NDEL1: variants seen among roughly 807,000 people sequenced by gnomAD.
NDEL1 encodes nuclear distribution protein nudE-like 1.
NDEL1 carries 9 observed loss-of-function variants against 45.7 expected under a neutral mutation model. That is an observed-to-expected ratio of 0.20 (90% CI 0.12 to 0.34). The LOEUF is 0.34. Ranked by LOEUF, NDEL1 falls within the 10% of genes least tolerant of loss-of-function variation. The pLI is 1.00. For missense variants in NDEL1, 306 were observed against 406.2 expected (o/e 0.75, Z 2.12); for synonymous variants, 133 against 158.6 (o/e 0.84, Z 1.21).
chr17:8,469,774 G>A (rs1911790226), downstream of NDEL1, among the ~76,000 whole-genome samples: 1 of 150,792 alleles, frequency 6.6e-6, no homozygotes, highest in Non-Finnish European at 1.5e-5. Context: ...CGTGATCTTG[G>A]CTCACTGTAA....
chr17:8,450,360 A>G (rs1399338043), intron 5 of NDEL1, among the ~76,000 whole-genome samples: 1 of 152,084 alleles, frequency 6.6e-6, no homozygotes. Context: ...CTTCTTTTCT[A>G]AAAGTAAATA....
At chr17:8,471,845 C>G (rs184370668), downstream of NDEL1, among the ~76,000 whole-genome samples, 176 of 152,248 alleles carry the variant, frequency 1.2e-3, no homozygotes, top group South Asian at 2.1e-3. Flanking sequence ...TGACTTAGGA[C>G]GGCATTTTGG....
At chr17:8,451,002 A>G (rs754934781) in intron 6 of NDEL1, 49 bp downstream of exon 6, 3 of 1,536,452 alleles carry the variant, frequency 2.0e-6, no homozygotes, top group East Asian at 4.7e-5. Context: ...TGATCAGCTT[A>G]CGGGGGTTTG....
Position 8,467,075 on chromosome 17 carries a change from C to T in NDEL1, c.*52C>T. 1 of 1,571,356 alleles carries T rather than the reference C, an allele frequency of 6.4e-7. No homozygotes were observed. The highest frequency in any genetic ancestry group is 8.7e-7 in the Non-Finnish European group (1 of 1,143,682). On this transcript the variant is annotated 3_prime_UTR_variant, in exon 9 of 9. Transcript: ENST00000334527. This position sits in a 1 kb window ranked among gnomAD's most constrained non-coding sequence, Gnocchi z 6.3. ...TGCCCTCCTCCAACAACCCAGGACACCCACGCCTCACCCCTCGGTGCCTGG... is the reference window on the plus strand; with the variant it reads ...TGCCCTCCTCCAACAACCCAGGACATCCACGCCTCACCCCTCGGTGCCTGG...
At chr17:8,415,164 C>T (rs577627344) in intron 1 of NDEL1, among the ~76,000 whole-genome samples, 46 of 145,638 alleles carry the variant, frequency 3.2e-4, no homozygotes, top group Non-Finnish European at 4.8e-4. Context: ...GTCTCCCTCT[C>T]TCCCTCTCTC....
intron 2 of NDEL1, 130 bp from the exon 3 acceptor site, chr17:8,445,581 A>C: frequency 2.1e-6 from 2 of 937,108 alleles, no homozygotes; most frequent in Non-Finnish European, 3.0e-6. Flanking sequence ...TGCAAAACAG[A>C]TTGTCTTTAG....
intron 5 of NDEL1, among the ~76,000 whole-genome samples, chr17:8,449,134 C>T (rs1212326542): frequency 1.3e-5 from 2 of 152,212 alleles, no homozygotes; most frequent in South Asian, 2.1e-4. Flanking sequence ...AGGCGCCCGC[C>T]ACCACACCCA....
At chr17:8,437,217 C>T (rs997149510) in intron 1 of NDEL1, among the ~76,000 whole-genome samples, 1 of 152,176 alleles carries the variant, frequency 6.6e-6, no homozygotes, top group South Asian at 2.1e-4. Flanking sequence ...TGAAGTATTT[C>T]TTCTGAATTA....
chr17:8,460,432 C>T (rs961148088), intron 8 of NDEL1, among the ~76,000 whole-genome samples: 3 of 152,070 alleles, frequency 2.0e-5, no homozygotes, highest in East Asian at 1.9e-4. Flanking sequence ...AAAATGACTG[C>T]GATAAGGTCC....
At chr17:8,415,534 C>T (rs56036644) in intron 1 of NDEL1, among the ~76,000 whole-genome samples, 13,470 of 150,124 alleles carry the variant, frequency 0.09, 676 homozygotes, top group East Asian at 0.19. Flanking sequence ...TCCCTGGGCT[C>T]GGGTGATTCT....
At chr17:8,417,543 C>T (rs1908581820) in intron 1 of NDEL1, among the ~76,000 whole-genome samples, 3 of 152,128 alleles carry the variant, frequency 2.0e-5, no homozygotes. Flanking sequence ...GTGTTTGGGT[C>T]TGTGTCTGTG....
At chr17:8,460,775 T>C (rs1911146903) in intron 8 of NDEL1, among the ~76,000 whole-genome samples, 1 of 152,216 alleles carries the variant, frequency 6.6e-6, no homozygotes, top group African/African-American at 2.4e-5. Flanking sequence ...CTTACAGTTA[T>C]TCCAAGGCAT....
chr17:8,414,443 G>A (rs992051740), intron 1 of NDEL1, among the ~76,000 whole-genome samples: 7 of 152,108 alleles, frequency 4.6e-5, no homozygotes, highest in East Asian at 1.9e-4. Context: ...CAAGGCTGGC[G>A]GATCATGAGG....
downstream of NDEL1, among the ~76,000 whole-genome samples, chr17:8,468,634 C>T (rs990237672): frequency 6.6e-6 from 1 of 152,234 alleles, no homozygotes; most frequent in African/African-American, 2.4e-5. Context: ...CATTGAAGAA[C>T]GCGTAAACTG....
At chr17:8,414,825 T>C (rs1221411515) in intron 1 of NDEL1, among the ~76,000 whole-genome samples, 2 of 152,062 alleles carry the variant, frequency 1.3e-5, no homozygotes, top group Admixed American at 1.3e-4. Context: ...TTCATTTGCT[T>C]AGTTTTTAGA....
At chr17:8,436,734 C>A (rs1428777724) in intron 1 of NDEL1, 1 of 152,224 alleles carries the variant, frequency 6.6e-6, no homozygotes, top group African/African-American at 2.4e-5. Flanking sequence ...CTTCTATTTA[C>A]GTAGCACCTT....
chr17:8,445,354 A>G (rs910860296), intron 2 of NDEL1, among the ~76,000 whole-genome samples: 1 of 152,222 alleles, frequency 6.6e-6, no homozygotes, highest in Non-Finnish European at 1.5e-5. Flanking sequence ...ATGTGAAAAT[A>G]TGTGTGATTT....
chr17:8,445,697 T>A lies in NDEL1; in HGVS notation c.87-14T>A. 5.0e-6 allele frequency: 8 copies of A among 1,588,356 alleles called. No homozygotes were observed. The highest frequency in any genetic ancestry group is 1.7e-6 in the Non-Finnish European group (2 of 1,171,496). On this transcript the variant is annotated splice_polypyrimidine_tract_variant and intron_variant, in intron 2 of 8. Transcript: ENST00000334527. Reference sequence around the variant, plus strand: ...CTTAGTGTAACTCGTCTTTCCCACTTTGTTTCTGATTAGCTTCCAGGAAGC... The same window carrying A: ...CTTAGTGTAACTCGTCTTTCCCACTATGTTTCTGATTAGCTTCCAGGAAGC...
At chr17:8,430,965 C>T (rs778197253), upstream of NDEL1, among the ~76,000 whole-genome samples, 7 of 152,198 alleles carry the variant, frequency 4.6e-5, no homozygotes, top group Non-Finnish European at 8.8e-5. Context: ...CCCTTCGGCA[C>T]CTCTTAGAAT....
Sources: gnomAD v4.1 joint callset for allele counts (sites outside exome capture counted in the v4.1 genomes callset) on GRCh38, gnomAD v4.1.1 for gene constraint, Gnocchi (gnomAD v3.1) non-coding constraint, MANE v1.5 for transcripts, NCBI Gene and HGNC (gene_info 2026-07-23, HGNC 2026-07-21) for gene names.